ADK: variants seen among roughly 807,000 people sequenced by gnomAD.
ADK encodes the protein adenosine kinase.
ADK carries 24 observed loss-of-function variants against 44.7 expected under a neutral mutation model. The ratio of observed to expected loss-of-function variants is 0.54; its 90% CI spans 0.39 to 0.76. ADK has a LOEUF of 0.76. Among genes scored for constraint, ADK ranks in the 30% least tolerant of loss-of-function variants. The pLI is 0.00. For missense variants in ADK, 321 were observed against 425.1 expected (o/e 0.76, Z 2.15); for synonymous variants, 128 against 142.6 (o/e 0.90, Z 0.73).
intron 4 of ADK, chr10:74,372,479 T>TA (rs1321976523): frequency 4.1e-5 from 14 of 342,866 alleles, no homozygotes; most frequent in Middle Eastern, 7.6e-4. Context: ...AAATGTCAGT[T>TA]TAAAAAAAAA....
At chr10:74,390,708 A>G (rs1288170762) in intron 4 of ADK, among the ~76,000 whole-genome samples, 3 of 152,196 alleles carry the variant, frequency 2.0e-5, no homozygotes, top group Non-Finnish European at 4.4e-5. Flanking sequence ...CACACATTAC[A>G]TGTATTAGTA....
intron 6 of ADK, among the ~76,000 whole-genome samples, chr10:74,485,556 C>A (rs1847238355): frequency 6.6e-6 from 1 of 151,894 alleles, no homozygotes; most frequent in South Asian, 2.1e-4. Context: ...AATGAGGTAT[C>A]ATTTTATACC....
chr10:74,531,592 G>A (rs1849293680), intron 7 of ADK, among the ~76,000 whole-genome samples: 1 of 152,062 alleles, frequency 6.6e-6, no homozygotes, highest in African/African-American at 2.4e-5. Flanking sequence ...ATAATACAAT[G>A]GCACAATCAT....
intron 6 of ADK, chr10:74,508,510 T>G (rs1467884868): frequency 1.3e-5 from 2 of 152,188 alleles, no homozygotes; most frequent in Non-Finnish European, 2.9e-5. Context: ...TCACAACCCT[T>G]GAGAGACATT....
At chr10:74,456,832 T>G (rs1318988928) in intron 6 of ADK, among the ~76,000 whole-genome samples, 2 of 152,058 alleles carry the variant, frequency 1.3e-5, no homozygotes, top group Non-Finnish European at 2.9e-5. Context: ...GCTAAAGCAG[T>G]GTTTAGAAGG....
At chr10:74,608,719 G>T (rs1384019172) in intron 9 of ADK, among the ~76,000 whole-genome samples, 1 of 152,078 alleles carries the variant, frequency 6.6e-6, no homozygotes, top group Non-Finnish European at 1.5e-5. Context: ...CAGGGACCCA[G>T]AGGCAATCTG....
In ADK at chr10:74,706,137, C is replaced by T. The variant is rs568823869; in HGVS notation, c.965-2184C>T. ...TTACTTGAGCCCAAGAGTTCAAGACCAACCTGAGCATCTCTACAAAAAAAT... is the reference window on the plus strand; with the variant it reads ...TTACTTGAGCCCAAGAGTTCAAGACTAACCTGAGCATCTCTACAAAAAAAT... On this transcript the variant is annotated intron_variant, in intron 10 of 10. Transcript: ENST00000539909. Among the ~76,000 whole-genome samples the T allele has an allele frequency of 5.3e-5, 8 of 152,170 alleles. No homozygotes were observed. The South Asian group carries it at 1.7e-3, about 32-fold the overall frequency.
chr10:74,231,213 C>A (rs1477248890), intron 3 of ADK, among the ~76,000 whole-genome samples: 1 of 152,172 alleles, frequency 6.6e-6, no homozygotes, highest in Non-Finnish European at 1.5e-5. Flanking sequence ...ATTTGGTCAG[C>A]TTGATACAAA....
At chr10:74,438,306 C>G (rs1405249994) in intron 6 of ADK, among the ~76,000 whole-genome samples, 2 of 151,644 alleles carry the variant, frequency 1.3e-5, no homozygotes, top group African/African-American at 4.9e-5. Context: ...CTCACTGCAA[C>G]CTCCACCTCC....
At chr10:74,404,728 T>C (rs1224690776) in intron 6 of ADK, among the ~76,000 whole-genome samples, 1 of 152,200 alleles carries the variant, frequency 6.6e-6, no homozygotes, top group Non-Finnish European at 1.5e-5. Flanking sequence ...GGCTCACACC[T>C]GTAATCCCAG....
At chr10:74,388,336 T>C (rs999771080) in intron 4 of ADK, among the ~76,000 whole-genome samples, 3 of 152,260 alleles carry the variant, frequency 2.0e-5, no homozygotes, top group Non-Finnish European at 4.4e-5. Flanking sequence ...TCCTGACCTT[T>C]AGCTATTCTA....
At chr10:74,253,766 CTTT>C (rs369449016) in intron 3 of ADK, among the ~76,000 whole-genome samples, 1 of 125,062 alleles carries the variant, frequency 8.0e-6, no homozygotes, top group South Asian at 2.6e-4. Flanking sequence ...TCTACACTGC[CTTT>C]TTTTTTTTTT....
At chr10:74,668,158 AGTT>A (rs1855034488) in intron 9 of ADK, among the ~76,000 whole-genome samples, 2 of 152,176 alleles carry the variant, frequency 1.3e-5, no homozygotes, top group Non-Finnish European at 2.9e-5. Context: ...TTTAGTTTAT[AGTT>A]GTTATTTCCC....
chr10:74,395,214 T>G (rs1397182793), intron 5 of ADK, among the ~76,000 whole-genome samples: 1 of 152,202 alleles, frequency 6.6e-6, no homozygotes, highest in Non-Finnish European at 1.5e-5. Context: ...TTTTCCCATC[T>G]TCTCTTCCTT....
intron 8 of ADK, among the ~76,000 whole-genome samples, chr10:74,595,997 C>CAA (rs35924345): frequency 0.03 from 1,905 of 62,542 alleles, 55 homozygotes; most frequent in African/African-American, 0.068. Context: ...AATTCCATCT[C>CAA]AAAAAAAAAA....
chr10:74,583,910 C>T (rs1486398694), intron 7 of ADK, among the ~76,000 whole-genome samples: 52 of 152,268 alleles, frequency 3.4e-4, no homozygotes, highest in Non-Finnish European at 1.0e-4. Context: ...GGTCACAGCC[C>T]TCAGATCCTC....
chr10:74,641,370 A>G (rs1305910764), intron 9 of ADK: 1 of 152,196 alleles, frequency 6.6e-6, no homozygotes, highest in African/African-American at 2.4e-5. Context: ...TTAAAAATTA[A>G]AAATAAATAA....
chr10:74,444,018 G>C (rs926714291), intron 6 of ADK, among the ~76,000 whole-genome samples: 1 of 152,054 alleles, frequency 6.6e-6, no homozygotes, highest in Non-Finnish European at 1.5e-5. Flanking sequence ...CAGTGAGAAA[G>C]AATCATACCA....
At position 74,547,552 on chromosome 10, in the gene ADK, G is replaced by A. The variant is rs1849880496; in HGVS notation, c.726+22126G>A. On this transcript the variant is annotated intron_variant, in intron 7 of 10. Coordinates refer to ENST00000539909, the MANE Select transcript of ADK (RefSeq NM_006721.4). The stretch of plus-strand genomic sequence containing the variant: ...GCTGGAGTGCAGTGGTGCAATCTCG[G>A]CTCACTGCAACCTCCACCTCCTGGA... 2.0e-5 allele frequency among the ~76,000 whole-genome samples: 3 copies of A among 149,036 alleles called. No homozygotes were observed. In the South Asian group the frequency reaches 6.3e-4, roughly 31 times the overall value.
Sources: gnomAD v4.1 joint callset for allele counts (sites outside exome capture counted in the v4.1 genomes callset) on GRCh38, gnomAD v4.1.1 for gene constraint, MANE v1.5 for transcripts, NCBI Gene and HGNC (gene_info 2026-07-23, HGNC 2026-07-21) for gene names.